P3H3: variants seen among roughly 807,000 people sequenced by gnomAD.
P3H3 encodes the protein gene rich cluster, B.
P3H3 carries 64 observed loss-of-function variants against 78.1 expected under a neutral mutation model. The ratio of observed to expected loss-of-function variants is 0.82; its 90% CI spans 0.67 to 1.01. P3H3 has a LOEUF of 1.01. Among genes scored for constraint, P3H3 ranks in the 50% least tolerant of loss-of-function variants. P3H3 has a pLI of 0.00. For missense variants in P3H3, 975 were observed against 982.2 expected, an observed-to-expected ratio of 0.99 and a Z score of 0.10; for synonymous variants, 425 against 416.7, an observed-to-expected ratio of 1.02 and a Z score of -0.24.
chr12:6,828,583 A>G lies in P3H3; in HGVS notation c.143A>G (p.Tyr48Cys), dbSNP rs1334065144. The G allele has an allele frequency of 4.1e-6, 5 of 1,225,334 alleles. No homozygotes were observed. The highest frequency in any genetic ancestry group is 1.6e-5 in the African/African-American group (1 of 63,694). The allele number at this position is 1,225,334 out of a possible 1,614,324, so 75.9% of individuals were successfully genotyped here. A position where few individuals can be genotyped will look rare whatever the true frequency, so the allele number is the denominator to read the frequency against. ...CTCTACGCTGACGGGCTGCGCGCCT[A>G]CGCGGCCGGGGCTTGGGCGCCGGCC... ...DLLYADGLRAYAAGAWAPAVA... is the reference protein window; with the variant it reads ...DLLYADGLRACAAGAWAPAVA... The change falls in exon 1 of 15, where the codon TAC becomes TGC. Residue 48 changes from tyrosine (Y) to cysteine (C), a missense_variant. Coordinates refer to ENST00000290510, the MANE Select transcript of P3H3 (RefSeq NM_014262.5).
In P3H3 at chr12:6,837,737, C is replaced by G. The variant is rs781913528; in HGVS notation, c.1717C>G (p.Gln573Glu). Residue 573 changes from glutamine to glutamate, a missense_variant, in exon 12 of 15, where the codon CAA becomes GAA. Physicochemically the swap from Gln to Glu is conservative, Grantham distance 29. Coordinates refer to ENST00000290510, the MANE Select transcript of P3H3 (RefSeq NM_014262.5). ...CAGACCCCTTTGTGTCCTAGGAGAG[C>G]AAGAGCAGCGCATGGACCTGAGTCA... ...LVCRSAIEGEQEQRMDLSHPV... is the reference protein window; with the variant it reads ...LVCRSAIEGEEEQRMDLSHPV... The G allele has an allele frequency of 8.7e-6, 14 of 1,611,432 alleles. No individual in the cohort carries two copies. The highest frequency in any genetic ancestry group is 1.2e-5 in the Non-Finnish European group (14 of 1,178,758).
Position 6,831,340 on chromosome 12 carries a change from C to T in P3H3, c.1110C>T (p.Leu370=), listed in dbSNP as rs782122530. The change falls in exon 5 of 15, where the codon CTC becomes CTT. Residue 370 remains leucine, a synonymous_variant. Coordinates refer to ENST00000290510, the MANE Select transcript of P3H3 (RefSeq NM_014262.5). This position sits in a 1 kb window ranked among gnomAD's most constrained non-coding sequence, Gnocchi z 4.6. The part of the protein sequence containing the change: ...QAQLGEPRPG[L]GPREDIQRFI... Reference sequence around the variant, plus strand: ...AGCTGGGAGAGCCGAGACCTGGCCTCGGACCCAGAGAGGTAATCCCCTCTC... The same window carrying T: ...AGCTGGGAGAGCCGAGACCTGGCCTTGGACCCAGAGAGGTAATCCCCTCTC... 8.1e-6 allele frequency: 13 copies of T among 1,613,756 alleles called. No individual in the cohort carries two copies. The highest frequency in any genetic ancestry group is 1.3e-5 in the African/African-American group (1 of 74,996).
rs1273483677 is a variant in P3H3 at position 6,828,551 on chromosome 12, C to A, written c.111C>A (p.Pro37=). The A allele has an allele frequency of 2.4e-6, 3 of 1,271,866 alleles. No individual in the cohort carries two copies. Among genetic ancestry groups the A allele is most frequent in the East Asian group, 6.3e-5 (2 of 31,806 alleles). 78.8% of individuals were successfully genotyped at this position (1,271,866 alleles called of 1,614,324 possible). The stretch of plus-strand genomic sequence containing the variant: ...CCCCGGGGGCGCCCCCGCAGGCCCC[C>A]GACTTGCTCTACGCTGACGGGCTGC... ...QLSPGAPPQA[P]DLLYADGLRA... Residue 37 remains proline, a synonymous_variant, in exon 1 of 15, where the codon CCC becomes CCA. Transcript: ENST00000290510.
In P3H3 at chr12:6,828,428, C is replaced by G; in HGVS notation, c.-13C>G. On this transcript the variant is annotated 5_prime_UTR_variant, in exon 1 of 15. Transcript: ENST00000290510. Reference sequence around the variant, plus strand: ...TCCCGCATTTCCCCTCGGCTGCCGGCGGCTCCGACATCATGCTCCGGCTCC... The same window carrying G: ...TCCCGCATTTCCCCTCGGCTGCCGGGGGCTCCGACATCATGCTCCGGCTCC... 2 of 626,560 alleles carry G rather than the reference C, an allele frequency of 3.2e-6. No individual in the cohort carries two copies. The highest frequency in any genetic ancestry group is 3.4e-5 in the East Asian group (1 of 29,030). The allele number at this position is 626,560 out of a possible 1,614,324, so 38.8% of individuals were successfully genotyped here.
At chr12:6,833,125 A>T (rs1397466642) in intron 6 of P3H3, among the ~76,000 whole-genome samples, 1 of 152,106 alleles carries the variant, frequency 6.6e-6, no homozygotes, top group Non-Finnish European at 1.5e-5. Flanking sequence ...CAGTGAGCTG[A>T]GATCGCGCCA....
chr12:6,830,237 C>T (rs782817648), intron 2 of P3H3, 116 bp from the exon 3 acceptor site: 27 of 1,084,288 alleles, frequency 2.5e-5, no homozygotes, highest in Middle Eastern at 5.9e-4. Context: ...TTCTTCTCCA[C>T]GGTGAAGAGG....
chr12:6,839,450 G>A lies in P3H3; in HGVS notation c.2200G>A (p.Glu734Lys), dbSNP rs1555122786. The stretch of plus-strand genomic sequence containing the variant: ...GACTGGAAGGGCACCTCGGGTTCGG[G>A]AGGAGCTGTGAGTGGCTGAGCCAGC... ...DKTGRAPRVREEL is the reference protein window; with the variant it reads ...DKTGRAPRVRKEL The change falls in exon 15 of 15, where the codon GAG becomes AAG. Residue 734 changes from glutamate (E) to lysine (K), a missense_variant. Physicochemically the swap from Glu to Lys is moderately conservative, Grantham distance 56. Coordinates refer to ENST00000290510, the MANE Select transcript of P3H3 (RefSeq NM_014262.5). The A allele has an allele frequency of 1.3e-6, 2 of 1,551,116 alleles. No homozygotes were observed. The highest frequency in any genetic ancestry group is 2.0e-5 in the Admixed American group (1 of 50,996).
chr12:6,833,563 G>A, intron 6 of P3H3, 29 bp from the exon 7 acceptor site: 2 of 1,609,872 alleles, frequency 1.2e-6, no homozygotes, highest in Non-Finnish European at 8.5e-7. Context: ...GACCTTGGTG[G>A]GTGATGATGC....
At position 6,829,810 on chromosome 12, in the gene P3H3, C is replaced by G; in HGVS notation, c.499-49C>G. On this transcript the variant is annotated intron_variant, in intron 1 of 14. Transcript: ENST00000290510. This position sits in a 1 kb window ranked among gnomAD's most constrained non-coding sequence, Gnocchi z 5.1. ...GGGAGGCTGGCCAGGGGGCAGAGGT[C>G]TGCCCCCCGTCCCAGGGCTCTGATG... 6.2e-7 allele frequency: 1 copy of G among 1,610,010 alleles called. No homozygotes were observed. Among genetic ancestry groups the G allele is most frequent in the Non-Finnish European group, 8.5e-7 (1 of 1,177,390 alleles).
Position 6,830,021 on chromosome 12 carries a change from C to T in P3H3, c.651+10C>T. 6.2e-7 allele frequency: 1 copy of T among 1,613,498 alleles called. No individual in the cohort carries two copies. Among genetic ancestry groups the T allele is most frequent in the East Asian group, 2.2e-5 (1 of 44,862 alleles). On this transcript the variant is annotated intron_variant, in intron 2 of 14. Transcript: ENST00000290510. ...GACGCCCCCACACTGGGTGAGAATCCCAGCACCACCCCTGTCTTGCCACCA... is the reference window on the plus strand; with the variant it reads ...GACGCCCCCACACTGGGTGAGAATCTCAGCACCACCCCTGTCTTGCCACCA...
In P3H3 at chr12:6,836,989, CAGCTGGGGCTGG is replaced by C. The variant is rs1555122217; in HGVS notation, c.1467_1478del (p.Gly490_Ala493del). The stretch of plus-strand genomic sequence containing the variant: ...GGTAAACTCCTTCCTATTTAGGATG[CAGCTGGGGCTGG>C]AGCCAGGTCTGGCTATCGTGGTCGC... On this transcript the variant is annotated inframe_deletion, in exon 10 of 15. Transcript: ENST00000290510. 6.2e-7 allele frequency: 1 copy of C among 1,610,240 alleles called. No individual in the cohort carries two copies. Among genetic ancestry groups the C allele is most frequent in the African/African-American group, 1.3e-5 (1 of 74,886 alleles).
At chr12:6,830,286 C>T (rs967943537) in intron 2 of P3H3, 67 bp from the exon 3 acceptor site, 4 of 1,469,826 alleles carry the variant, frequency 2.7e-6, no homozygotes, top group Non-Finnish European at 3.7e-6. Context: ...CAACACCCCT[C>T]TCCTCTCTAC....
intron 2 of P3H3, 21 bp downstream of exon 2, chr12:6,830,032 C>G: frequency 6.2e-7 from 1 of 1,612,704 alleles, no homozygotes. Flanking sequence ...CAGCACCACC[C>G]CTGTCTTGCC....
rs782784082 is a variant in P3H3 at position 6,837,839 on chromosome 12, C to A, written c.1819C>A (p.Arg607=). ...CWREPPAYTY[R]DYSGLLYLND... Reference sequence around the variant, plus strand: ...GCGGGAGCCCCCAGCCTACACCTATCGGGACTACAGGTGGGCAGCCCCTCT... The same window carrying A: ...GCGGGAGCCCCCAGCCTACACCTATAGGGACTACAGGTGGGCAGCCCCTCT... Residue 607 remains arginine (R), a synonymous_variant, in exon 12 of 15, where the codon CGG becomes AGG. Transcript: ENST00000290510. 1.1e-5 allele frequency: 17 copies of A among 1,609,984 alleles called. No homozygotes were observed. The highest frequency in any genetic ancestry group is 1.4e-5 in the Non-Finnish European group (17 of 1,178,124).
At chr12:6,830,075 C>CACTAA in intron 2 of P3H3, 64 bp downstream of exon 2, 1 of 1,591,436 alleles carries the variant, frequency 6.3e-7, no homozygotes, top group Non-Finnish European at 8.6e-7. Flanking sequence ...ACACAGGCCT[C>CACTAA]ACTAAACTGT....
Position 6,833,771 on chromosome 12 carries a change from A to G in P3H3, c.1295A>G (p.His432Arg), listed in dbSNP as rs1179449659. Residue 432 changes from histidine (H) to arginine (R), a missense_variant, in exon 8 of 15, where the codon CAT becomes CGT. His to Arg is a conservative substitution (Grantham distance 29, BLOSUM62 0). Coordinates refer to ENST00000290510, the MANE Select transcript of P3H3 (RefSeq NM_014262.5). ...REDQEKRPWD[H>R]EPVKPKPLTY... The stretch of plus-strand genomic sequence containing the variant: ...GATCAAGAGAAGAGGCCTTGGGACC[A>G]TGAGCCCGTGAAGCCAAAGCCCTTG... 8.7e-6 allele frequency: 14 copies of G among 1,611,904 alleles called. No homozygotes were observed. Among genetic ancestry groups the G allele is most frequent in the Non-Finnish European group, 1.2e-5 (14 of 1,178,122 alleles).
intron 8 of P3H3, 27 bp from the exon 9 acceptor site, chr12:6,833,898 C>T (rs1555121776): frequency 1.2e-6 from 2 of 1,613,976 alleles, no homozygotes; most frequent in Admixed American, 1.7e-5. Context: ...ATGCTCAGCC[C>T]CCTCTGCTCT....
Position 6,831,163 on chromosome 12 carries a change from A to G in P3H3, c.986-53A>G, listed in dbSNP as rs1943447185. 3 of 1,610,466 alleles carry G rather than the reference A, an allele frequency of 1.9e-6. No individual in the cohort carries two copies. The highest frequency in any genetic ancestry group is 2.2e-5 in the East Asian group (1 of 44,846). On this transcript the variant is annotated intron_variant, in intron 4 of 14. Transcript: ENST00000290510. The surrounding 1 kb of genome is among the most constrained non-coding windows in gnomAD (Gnocchi z 4.6). The stretch of plus-strand genomic sequence containing the variant: ...AGCACTGCCTCTGCCCCAAGGATCA[A>G]TGTGCTCTAAGTATTCATCCCCCAA...
rs1943409409 is a variant in P3H3, at chr12:6,828,676, C to A, written c.236C>A (p.Ala79Glu). The part of the protein sequence containing the change: ...ALGRVRLDCG[A>E]SCAADPGAAL... ...GGCCGGGTGCGGCTGGATTGCGGGG[C>A]GAGCTGCGCGGCCGATCCGGGCGCC... Residue 79 changes from alanine (A) to glutamate (E), a missense_variant, in exon 1 of 15, where the codon GCG (alanine) becomes GAG (glutamate). By Grantham distance (107) the Ala-to-Glu change is moderately radical (BLOSUM62 -1). Transcript: ENST00000290510. 1.6e-6 allele frequency: 2 copies of A among 1,237,202 alleles called. No individual in the cohort carries two copies. Among genetic ancestry groups the A allele is most frequent in the East Asian group, 6.5e-5 (2 of 30,620 alleles). 76.6% of individuals were successfully genotyped at this position (1,237,202 alleles called of 1,614,324 possible).
Sources: allele counts gnomAD v4.1 joint callset (sites outside exome capture counted in the v4.1 genomes callset), GRCh38; gene constraint gnomAD v4.1.1; non-coding constraint Gnocchi (gnomAD v3.1); transcripts MANE v1.5; gene names NCBI Gene and HGNC (gene_info 2026-07-23, HGNC 2026-07-21).